Variants in TNRC6A observed in about 807,000 individuals in gnomAD.
The protein encoded by TNRC6A is trinucleotide repeat-containing gene 6A protein.
TNRC6A carries 44 observed loss-of-function variants against 221.2 expected under a neutral mutation model. The ratio of observed to expected loss-of-function variants is 0.20; its 90% CI spans 0.16 to 0.26. The LOEUF (loss-of-function observed/expected upper bound fraction) is 0.26. Ranked by LOEUF, TNRC6A falls within the 10% of genes least tolerant of loss-of-function variation. The pLI is 1.00. For synonymous variants in TNRC6A, 847 were observed against 838.5 expected (o/e 1.01, Z -0.18); for missense variants, 2,199 against 2,404.4 (o/e 0.91, Z 1.79).
intron 2 of TNRC6A, among the ~76,000 whole-genome samples, chr16:24,677,169 T>C (rs1032099398): frequency 6.6e-6 from 1 of 151,126 alleles, no homozygotes; most frequent in African/African-American, 2.4e-5. Context: ...TTTTTCTTTT[T>C]TTTTTTTTTC....
intron 2 of TNRC6A, among the ~76,000 whole-genome samples, chr16:24,659,969 T>C (rs2054994501): frequency 6.6e-6 from 1 of 152,222 alleles, no homozygotes; most frequent in South Asian, 2.1e-4. Flanking sequence ...TTAATTTTTT[T>C]ATCTACTGCA....
At chr16:24,730,679 ATTAC>A (rs1336765040) in intron 2 of TNRC6A, among the ~76,000 whole-genome samples, 6 of 135,508 alleles carry the variant, frequency 4.4e-5, no homozygotes, top group East Asian at 2.4e-4. Context: ...CTTCCCCGTT[ATTAC>A]TTTGTAGCTC....
chr16:24,676,561 TC>T (rs1401587700), intron 2 of TNRC6A, among the ~76,000 whole-genome samples: 1 of 152,202 alleles, frequency 6.6e-6, no homozygotes, highest in African/African-American at 2.4e-5. Flanking sequence ...GCTTAAGTGA[TC>T]TTCCCACCTC....
chr16:24,720,899 A>G (rs984780604), intron 2 of TNRC6A, among the ~76,000 whole-genome samples: 7 of 150,790 alleles, frequency 4.6e-5, no homozygotes, highest in African/African-American at 1.7e-4. Context: ...AAAAAAAAAC[A>G]AAAAAATTAG....
At chr16:24,689,682 TA>T (rs200653686) in intron 2 of TNRC6A, among the ~76,000 whole-genome samples, 12,571 of 152,104 alleles carry the variant, frequency 0.083, 1,012 homozygotes, top group African/African-American at 0.21. Context: ...GTGCACGTTT[TA>T]GTGGAGGAAC....
At chr16:24,775,644 A>G (rs1288895613) in intron 4 of TNRC6A, among the ~76,000 whole-genome samples, 1 of 152,212 alleles carries the variant, frequency 6.6e-6, no homozygotes, top group African/African-American at 2.4e-5. Flanking sequence ...TAATAACTTC[A>G]CTTCTGTTTA....
At chr16:24,806,416 TAA>T in intron 16 of TNRC6A, 133 bp downstream of exon 16, 1 of 1,370,594 alleles carries the variant, frequency 7.3e-7, no homozygotes, top group Admixed American at 2.1e-5. Context: ...TGTTTTTCAT[TAA>T]GTCTGCTGGT....
At chr16:24,639,344 T>C (rs1229085410) in intron 1 of TNRC6A, among the ~76,000 whole-genome samples, 1 of 151,850 alleles carries the variant, frequency 6.6e-6, no homozygotes, top group Non-Finnish European at 1.5e-5. Context: ...AAAAAGAAAA[T>C]TAGCCAGGCA....
At chr16:24,728,660 G>GTCTT (rs1469641346), upstream of TNRC6A, among the ~76,000 whole-genome samples, 1 of 152,130 alleles carries the variant, frequency 6.6e-6, no homozygotes, top group African/African-American at 2.4e-5. Context: ...GTATCTTACT[G>GTCTT]TATCTACATG....
intron 1 of TNRC6A, among the ~76,000 whole-genome samples, chr16:24,624,982 T>C (rs760994027): frequency 6.6e-6 from 1 of 152,202 alleles, no homozygotes; most frequent in Non-Finnish European, 1.5e-5. Flanking sequence ...ATGTGAATAA[T>C]TGAAGGAGGT....
chr16:24,669,816 A>G (rs1274009155), intron 2 of TNRC6A, among the ~76,000 whole-genome samples: 1 of 151,896 alleles, frequency 6.6e-6, no homozygotes, highest in Non-Finnish European at 1.5e-5. Flanking sequence ...ACCAACAGTA[A>G]TAGAAGTAGT....
intron 18 of TNRC6A, among the ~76,000 whole-genome samples, chr16:24,812,489 G>A (rs551329465): frequency 6.6e-6 from 1 of 152,208 alleles, no homozygotes; most frequent in Non-Finnish European, 1.5e-5. Flanking sequence ...CCACTTAATG[G>A]CAATGTTTCA....
chr16:24,629,710 G>A (rs896131610), intron 1 of TNRC6A, among the ~76,000 whole-genome samples: 2 of 152,134 alleles, frequency 1.3e-5, no homozygotes, highest in Non-Finnish European at 2.9e-5. Context: ...CGGGCACAGT[G>A]GTTCACGCCT....
chr16:24,682,454 C>A (rs1033432855), intron 2 of TNRC6A, among the ~76,000 whole-genome samples: 3 of 150,348 alleles, frequency 2.0e-5, no homozygotes, highest in Non-Finnish European at 4.4e-5. Context: ...TCTCAAACTC[C>A]TGGACTCAAG....
intron 2 of TNRC6A, among the ~76,000 whole-genome samples, chr16:24,673,641 G>A (rs2055349911): frequency 6.6e-6 from 1 of 152,138 alleles, no homozygotes; most frequent in African/African-American, 2.4e-5. Context: ...GCTCACTGCA[G>A]CCTCAACCTC....
intron 2 of TNRC6A, among the ~76,000 whole-genome samples, chr16:24,702,015 C>T (rs2055988237): frequency 6.6e-6 from 1 of 151,858 alleles, no homozygotes; most frequent in Non-Finnish European, 1.5e-5. Context: ...CTCAATAACC[C>T]CACTGATTGC....
At position 24,772,292 on chromosome 16, in the gene TNRC6A, T is replaced by G. The variant is rs536580775; in HGVS notation, c.164-4641T>G. Among the ~76,000 whole-genome samples the G allele has an allele frequency of 3.3e-5, 5 of 152,362 alleles. No individual in the cohort carries two copies. In the East Asian group the frequency reaches 9.6e-4, roughly 29 times the overall value. ...ATTGGTAACAGTGTTATGTTGGTGC[T>G]CCATCTTTTACTGTGCTCTCCAATA... On this transcript the variant is annotated intron_variant, in intron 4 of 24. Transcript: ENST00000395799.
chr16:24,631,981 C>G (rs1264348367), intron 1 of TNRC6A, among the ~76,000 whole-genome samples: 1 of 151,814 alleles, frequency 6.6e-6, no homozygotes, highest in Non-Finnish European at 1.5e-5. Context: ...ATCTCAGCCT[C>G]CTGAGTAGCT....
intron 2 of TNRC6A, among the ~76,000 whole-genome samples, chr16:24,733,808 C>G (rs779503737): frequency 4.6e-5 from 7 of 152,104 alleles, no homozygotes; most frequent in Non-Finnish European, 1.5e-5. Context: ...GATTACTAAC[C>G]AGGTGTATTT....
Sources: allele counts gnomAD v4.1 joint callset (sites outside exome capture counted in the v4.1 genomes callset), GRCh38; gene constraint gnomAD v4.1.1; transcripts MANE v1.5; gene names NCBI Gene and HGNC (gene_info 2026-07-23, HGNC 2026-07-21).